Variants in ZFP1 observed in about 807,000 individuals in gnomAD.
ZFP1 encodes ZFP1 zinc finger protein.
Under a neutral mutation model 38.5 loss-of-function variants are expected in ZFP1, and 32 were observed. That is an observed-to-expected ratio of 0.83 (90% CI 0.63 to 1.12). The LOEUF (loss-of-function observed/expected upper bound fraction) is 1.12, where lower values mean the gene tolerates loss of function less well. Ranked by LOEUF, ZFP1 falls within the 50% of genes most tolerant of loss-of-function variation. The pLI is 0.00. For missense variants in ZFP1, 616 were observed against 480.8 expected (o/e 1.28, Z -2.63); for synonymous variants, 245 against 168.8 (o/e 1.45, Z -3.50).
At chr16:75,166,686 A>C (rs1245038751) in intron 2 of ZFP1, 84 bp from the exon 3 acceptor site, 1 of 1,597,402 alleles carries the variant, frequency 6.3e-7, no homozygotes, top group South Asian at 1.1e-5. Context: ...ATAGATTTTC[A>C]TGATGAATGA....
At chr16:75,168,311 G>A (rs1275176781) in intron 3 of ZFP1, among the ~76,000 whole-genome samples, 1 of 152,022 alleles carries the variant, frequency 6.6e-6, no homozygotes, top group Non-Finnish European at 1.5e-5. Context: ...AATGAACCTG[G>A]GTAACTTTAT....
chr16:75,147,760 G>A (rs1285718989), upstream of ZFP1, among the ~76,000 whole-genome samples: 1 of 152,138 alleles, frequency 6.6e-6, no homozygotes, highest in East Asian at 1.9e-4. Context: ...AGGATGAAAG[G>A]AACTGAGGGT....
At chr16:75,166,176 C>T (rs1436493153) in intron 2 of ZFP1, among the ~76,000 whole-genome samples, 2 of 152,154 alleles carry the variant, frequency 1.3e-5, no homozygotes, top group African/African-American at 4.8e-5. Context: ...GCTTTATTAG[C>T]ACACTGGTAA....
chr16:75,137,215 C>G, the ZFP1 span, among the ~76,000 whole-genome samples: 1 of 152,150 alleles, frequency 6.6e-6, no homozygotes, highest in South Asian at 2.1e-4. Flanking sequence ...CCTGAGAGAA[C>G]TCCTAAGGGC....
upstream of ZFP1, among the ~76,000 whole-genome samples, chr16:75,144,421 C>T (rs7198880): frequency 2.6e-5 from 4 of 152,110 alleles, no homozygotes; most frequent in Admixed American, 6.6e-5. Flanking sequence ...CATATCACCA[C>T]AATTTATTTT....
intron 2 of ZFP1, among the ~76,000 whole-genome samples, chr16:75,162,638 T>C (rs567572275): frequency 2.6e-5 from 4 of 152,316 alleles, no homozygotes; most frequent in African/African-American, 4.8e-5. Flanking sequence ...GTGAGAATAG[T>C]ACCCAATAGT....
chr16:75,167,316 A>C (rs752895461), intron 3 of ZFP1, among the ~76,000 whole-genome samples: 7 of 151,946 alleles, frequency 4.6e-5, no homozygotes, highest in Non-Finnish European at 8.8e-5. Context: ...AATCCCTAAC[A>C]CTTAAGTATA....
At chr16:75,120,767 T>TTTTGTTTGTTTG in the ZFP1 span, among the ~76,000 whole-genome samples, 336 of 150,026 alleles carry the variant, frequency 2.2e-3, no homozygotes, top group Non-Finnish European at 3.0e-3. Context: ...CCAGCTTGTT[T>TTTTGTTTGTTTG]TTTGTTTGTT....
At chr16:75,147,198 G>A (rs1389724653), upstream of ZFP1, among the ~76,000 whole-genome samples, 1 of 152,108 alleles carries the variant, frequency 6.6e-6, no homozygotes, top group Non-Finnish European at 1.5e-5. Flanking sequence ...ATACTGTAAT[G>A]GTTACAGGCA....
chr16:75,146,296 G>A (rs192455128), upstream of ZFP1, among the ~76,000 whole-genome samples: 408 of 151,984 alleles, frequency 2.7e-3, 4 homozygotes, highest in African/African-American at 9.3e-3. Context: ...CCAAGTAGCC[G>A]AGGCTACAGG....
At chr16:75,167,020 T>A in intron 3 of ZFP1, 124 bp downstream of exon 3, 1 of 1,486,076 alleles carries the variant, frequency 6.7e-7, no homozygotes, top group South Asian at 1.4e-5. Context: ...GTATTAAACC[T>A]GAGAGATCTT....
In ZFP1 at chr16:75,166,434, C is replaced by T. The variant is rs994652942; in HGVS notation, c.16-336C>T. 11 of 457,588 alleles carry T rather than the reference C, an allele frequency of 2.4e-5. No individual in the cohort carries two copies. The South Asian group carries it at 7.4e-4, about 31-fold the overall frequency. 28.3% of individuals were successfully genotyped at this position (457,588 alleles called of 1,614,324 possible). ...AGAGATGGGATTTCACCATGTTGTC[C>T]AGGCTGGTCTCGAACTCCCGACCTC... On this transcript the variant is annotated intron_variant, in intron 2 of 3. Coordinates refer to ENST00000570010, the MANE Select transcript of ZFP1 (RefSeq NM_153688.4).
Position 75,155,334 on chromosome 16 carries a change from C to T in ZFP1, c.15+2368C>T, listed in dbSNP as rs1159969135. On this transcript the variant is annotated intron_variant, in intron 2 of 3. Transcript: ENST00000570010. ...TTTTTTGTAGAGATGGAGTTTTGCC[C>T]TGTCGCTCAGGCTCATCTTGAACTC... Among the ~76,000 whole-genome samples the T allele has an allele frequency of 1.3e-5, 2 of 152,132 alleles. 1 individual carries two copies. The highest frequency in any genetic ancestry group is 2.9e-5 in the Non-Finnish European group (2 of 68,010).
chr16:75,123,027 A>G, the ZFP1 span, among the ~76,000 whole-genome samples: 1 of 152,194 alleles, frequency 6.6e-6, no homozygotes, highest in Admixed American at 6.6e-5. Flanking sequence ...AAGTTAAATA[A>G]TAGAGATTTT....
At chr16:75,164,883 G>C (rs777791622) in intron 2 of ZFP1, among the ~76,000 whole-genome samples, 1 of 151,562 alleles carries the variant, frequency 6.6e-6, no homozygotes, top group African/African-American at 2.4e-5. Flanking sequence ...TCGACTTACC[G>C]CAACGTCCAC....
chr16:75,134,213 C>T, the ZFP1 span, among the ~76,000 whole-genome samples: 1 of 152,142 alleles, frequency 6.6e-6, no homozygotes, highest in Non-Finnish European at 1.5e-5. Flanking sequence ...GAACTACTGA[C>T]TTACACACTT....
intron 2 of ZFP1, among the ~76,000 whole-genome samples, chr16:75,163,782 T>G (rs990160800): frequency 3.3e-5 from 5 of 152,100 alleles, no homozygotes; most frequent in Non-Finnish European, 7.4e-5. Flanking sequence ...CAGCTAGGTG[T>G]TCTGTTGTTG....
At chr16:75,124,174 T>C in the ZFP1 span, among the ~76,000 whole-genome samples, 1 of 151,828 alleles carries the variant, frequency 6.6e-6, no homozygotes, top group East Asian at 2.0e-4. Flanking sequence ...AAAGTTTTTT[T>C]TTTTTGAGAC....
At chr16:75,120,021 TAGC>T in the ZFP1 span, among the ~76,000 whole-genome samples, 19 of 152,342 alleles carry the variant, frequency 1.2e-4, 2 homozygotes, top group South Asian at 1.0e-3. Context: ...GCTTCTGAAA[TAGC>T]AGCAATTTGT....
Sources: gnomAD v4.1 joint callset for allele counts (sites outside exome capture counted in the v4.1 genomes callset) on GRCh38, gnomAD v4.1.1 for gene constraint, MANE v1.5 for transcripts, NCBI Gene and HGNC (gene_info 2026-07-23, HGNC 2026-07-21) for gene names.